NCOA1: variants seen among roughly 807,000 people sequenced by gnomAD.
The protein encoded by NCOA1 is Hin-2 protein.
NCOA1 carries 35 observed loss-of-function variants against 150.9 expected under a neutral mutation model. That is an observed-to-expected ratio of 0.23 (90% CI 0.18 to 0.31). The LOEUF (loss-of-function observed/expected upper bound fraction) is 0.31, where lower values mean the gene tolerates loss of function less well. Among genes scored for constraint, NCOA1 ranks in the 10% least tolerant of loss-of-function variants. The pLI is 1.00. For missense variants in NCOA1, 1,491 were observed against 1,749.3 expected (o/e 0.85, Z 2.63); for synonymous variants, 590 against 630.0 (o/e 0.94, Z 0.95).
intron 22 of NCOA1, among the ~76,000 whole-genome samples, chr2:24,766,420 C>A (rs1039777288): frequency 1.3e-5 from 2 of 152,114 alleles, no homozygotes; most frequent in African/African-American, 4.8e-5. Flanking sequence ...TGTGAAGTTT[C>A]AGTGGTAGAA....
chr2:24,759,918 T>C (rs992691153), intron 21 of NCOA1, among the ~76,000 whole-genome samples: 12 of 151,882 alleles, frequency 7.9e-5, no homozygotes, highest in Non-Finnish European at 1.6e-4. Context: ...TTTATTATTT[T>C]TTCTTTAGTC....
intron 3 of NCOA1, among the ~76,000 whole-genome samples, chr2:24,628,785 C>T (rs1486023511): frequency 6.6e-6 from 1 of 151,926 alleles, no homozygotes; most frequent in Non-Finnish European, 1.5e-5. Context: ...GTAGGGAAGG[C>T]CTTAGAGTAA....
At chr2:24,500,198 T>C (rs1222785987) in intron 1 of NCOA1, among the ~76,000 whole-genome samples, 1 of 151,922 alleles carries the variant, frequency 6.6e-6, no homozygotes, top group African/African-American at 2.4e-5. Flanking sequence ...AACCTCCACC[T>C]CCCAGGTTCA....
At chr2:24,746,065 C>A (rs964694683) in intron 19 of NCOA1, among the ~76,000 whole-genome samples, 1 of 152,344 alleles carries the variant, frequency 6.6e-6, no homozygotes, top group African/African-American at 2.4e-5. Context: ...AAGTTCCTTA[C>A]GTGAGCAGAG....
At chr2:24,730,884 A>AT in intron 17 of NCOA1, among the ~76,000 whole-genome samples, 1 of 151,020 alleles carries the variant, frequency 6.6e-6, no homozygotes, top group African/African-American at 2.4e-5. Flanking sequence ...AAAAAAAAAA[A>AT]AAAAAAAAAC....
Position 24,637,691 on chromosome 2 carries a change from G to C in NCOA1, c.-174-6275G>C, listed in dbSNP as rs1297563995. 2.0e-5 allele frequency among the ~76,000 whole-genome samples: 3 copies of C among 150,802 alleles called. No homozygotes were observed. In the East Asian group the frequency reaches 5.8e-4, roughly 29 times the overall value. The stretch of plus-strand genomic sequence containing the variant: ...CAATATATTGGGGGTTTTTTGTTTT[G>C]TTTTGTTTTGTTTTGTTTTTTGAGA... On this transcript the variant is annotated intron_variant, in intron 3 of 22. Coordinates refer to ENST00000348332, the MANE Select transcript of NCOA1 (RefSeq NM_003743.5).
At chr2:24,555,667 T>C (rs141257164) in intron 1 of NCOA1, among the ~76,000 whole-genome samples, 227 of 152,370 alleles carry the variant, frequency 1.5e-3, no homozygotes, top group Middle Eastern at 6.8e-3. Flanking sequence ...AGGATTGCTA[T>C]GTCTTCTTAA....
intron 3 of NCOA1, among the ~76,000 whole-genome samples, chr2:24,639,029 T>C (rs1670063110): frequency 6.6e-6 from 1 of 152,210 alleles, no homozygotes; most frequent in Non-Finnish European, 1.5e-5. Context: ...AAATCTGTAC[T>C]CATGAGGCTG....
At chr2:24,580,580 T>C (rs1408686340) in intron 2 of NCOA1, among the ~76,000 whole-genome samples, 1 of 152,236 alleles carries the variant, frequency 6.6e-6, no homozygotes, top group Non-Finnish European at 1.5e-5. Context: ...GTTTTACCTA[T>C]TTTTCAGTTC....
At chr2:24,551,297 A>G (rs75008479) in intron 1 of NCOA1, among the ~76,000 whole-genome samples, 3,764 of 152,218 alleles carry the variant, frequency 0.025, 48 homozygotes, top group South Asian at 0.032. Context: ...TATTCTGCCC[A>G]TTATTTTTAT....
intron 13 of NCOA1, among the ~76,000 whole-genome samples, chr2:24,708,814 C>T (rs1673590620): frequency 6.6e-6 from 1 of 152,204 alleles, no homozygotes; most frequent in African/African-American, 2.4e-5. Context: ...CTCAGAAATA[C>T]TGCATTCTAG....
At chr2:24,739,604 A>C (rs950164140) in intron 18 of NCOA1, 71 bp downstream of exon 18, 8 of 1,161,612 alleles carry the variant, frequency 6.9e-6, no homozygotes, top group African/African-American at 6.1e-5. Context: ...TGTTGACTTG[A>C]GTGTCTTTGA....
chr2:24,729,155 G>C (rs1382898113), intron 16 of NCOA1, among the ~76,000 whole-genome samples: 1 of 152,128 alleles, frequency 6.6e-6, no homozygotes, highest in African/African-American at 2.4e-5. Context: ...ATGCCTGCTT[G>C]ATCCCTCCTT....
intron 1 of NCOA1, among the ~76,000 whole-genome samples, chr2:24,500,265 T>C (rs533001495): frequency 6.6e-6 from 1 of 152,258 alleles, no homozygotes; most frequent in South Asian, 2.1e-4. Context: ...TGTGCCACCA[T>C]GCCTGGCTAA....
intron 3 of NCOA1, among the ~76,000 whole-genome samples, chr2:24,592,346 T>C (rs932450141): frequency 6.6e-6 from 1 of 152,094 alleles, no homozygotes; most frequent in African/African-American, 2.4e-5. Context: ...TTATAAGATA[T>C]TGTCCATAGT....
In NCOA1 at chr2:24,739,477, A is replaced by G. The variant is rs1271468598; in HGVS notation, c.3247A>G (p.Thr1083Ala). ...AGCTATCTTAAACCAGTTTGCAGCA[A>G]CTGCTCCTGTTGGCATCAATATGAG... ...RQAILNQFAA[T>A]APVGINMRSG... The change falls in exon 18 of 23, where the codon ACT becomes GCT. Residue 1083 changes from threonine (T) to alanine (A), a missense_variant. By Grantham distance (58) the Thr-to-Ala change is moderately conservative (BLOSUM62 0). This residue lies in a region of NCOA1 where 485 missense variants were observed against 522.8 expected (regional missense o/e 0.93). Coordinates refer to ENST00000348332, the MANE Select transcript of NCOA1 (RefSeq NM_003743.5). 2.5e-6 allele frequency: 4 copies of G among 1,613,962 alleles called. No homozygotes were observed. Among genetic ancestry groups the G allele is most frequent in the Non-Finnish European group, 3.4e-6 (4 of 1,179,870 alleles).
intron 7 of NCOA1, among the ~76,000 whole-genome samples, chr2:24,679,543 G>A (rs1429210270): frequency 6.6e-6 from 1 of 152,044 alleles, no homozygotes; most frequent in Non-Finnish European, 1.5e-5. Context: ...AAGTTAAATT[G>A]TATTTACACT....
chr2:24,524,770 G>A (rs959132871), intron 1 of NCOA1, among the ~76,000 whole-genome samples: 1 of 152,092 alleles, frequency 6.6e-6, no homozygotes, highest in African/African-American at 2.4e-5. Context: ...ACAATGCCCA[G>A]CTAATTTTTT....
chr2:24,724,351 CAAAG>C (rs1298724053), intron 14 of NCOA1, among the ~76,000 whole-genome samples: 3 of 152,018 alleles, frequency 2.0e-5, no homozygotes, highest in Non-Finnish European at 4.4e-5. Context: ...ATTCTCTGGA[CAAAG>C]AGAGAGAGCC....
Sources: gnomAD v4.1 joint callset for allele counts (sites outside exome capture counted in the v4.1 genomes callset) on GRCh38, gnomAD v4.1.1 for gene constraint, gnomAD v4.1.1 regional missense constraint, MANE v1.5 for transcripts, NCBI Gene and HGNC (gene_info 2026-07-23, HGNC 2026-07-21) for gene names.